The following GPC5 variants were observed in gnomAD, a reference collection of about 807,000 sequenced individuals.
The protein encoded by GPC5 is glypican 5.
Under a neutral mutation model 53.9 loss-of-function variants are expected in GPC5, and 47 were observed. The observed-to-expected ratio is 0.87, with a 90% CI of 0.69 to 1.11. GPC5 has a LOEUF of 1.11. GPC5 is among the 50% of genes most tolerant of loss of function. The pLI is 0.00. For missense variants in GPC5, 748 were observed against 713.1 expected (o/e 1.05, Z -0.56); for synonymous variants, 286 against 263.3 (o/e 1.09, Z -0.84).
chr13:92,481,107 T>A (rs1167781867), intron 7 of GPC5, among the ~76,000 whole-genome samples: 1 of 63,988 alleles, frequency 1.6e-5, no homozygotes, highest in Non-Finnish European at 3.9e-5. Flanking sequence ...TTTTTTTGCA[T>A]TTTTTTTTTT....
intron 7 of GPC5, among the ~76,000 whole-genome samples, chr13:92,593,834 A>G (rs970316063): frequency 5.3e-5 from 8 of 152,188 alleles, no homozygotes; most frequent in Admixed American, 6.5e-5. Flanking sequence ...TGACAAAGGT[A>G]TTTCAGTGGA....
At chr13:92,787,965 A>T (rs953385552) in intron 7 of GPC5, among the ~76,000 whole-genome samples, 2 of 151,944 alleles carry the variant, frequency 1.3e-5, no homozygotes, top group African/African-American at 4.8e-5. Context: ...GAATGGAAAG[A>T]ATAGTAGAAA....
intron 7 of GPC5, among the ~76,000 whole-genome samples, chr13:92,609,041 C>T (rs1289055397): frequency 6.6e-6 from 1 of 151,532 alleles, no homozygotes; most frequent in East Asian, 1.9e-4. Flanking sequence ...CAGTTTTCCC[C>T]AATTCTTCCC....
At chr13:92,524,320 T>C (rs561282573) in intron 7 of GPC5, among the ~76,000 whole-genome samples, 2 of 152,254 alleles carry the variant, frequency 1.3e-5, no homozygotes, top group East Asian at 1.9e-4. Context: ...CCACTTTCTT[T>C]GTTCATCTCT....
chr13:92,192,727 C>T (rs534568810), intron 7 of GPC5, among the ~76,000 whole-genome samples: 1 of 152,184 alleles, frequency 6.6e-6, no homozygotes, highest in Admixed American at 6.5e-5. Flanking sequence ...TATGTCTATG[C>T]CCACGTATGG....
At chr13:91,879,720 G>A (rs928382654) in intron 5 of GPC5, among the ~76,000 whole-genome samples, 5 of 152,110 alleles carry the variant, frequency 3.3e-5, no homozygotes, top group African/African-American at 1.2e-4. Flanking sequence ...ATTTGAGAGG[G>A]ATATAAACAC....
In GPC5 at chr13:92,758,761, G is replaced by A. The variant is rs147775748; in HGVS notation, c.1562-107521G>A. Among the ~76,000 whole-genome samples the A allele has an allele frequency of 7.4e-3, 1,122 of 152,148 alleles. 14 individuals carry two copies. Among genetic ancestry groups the A allele is most frequent in the African/African-American group, 0.026 (1,077 of 41,526 alleles). ...AATAATTCAGAAATTACATGGGAATGTGTTTCCTGAGTTTTTTGTGTGATA... is the reference window on the plus strand; with the variant it reads ...AATAATTCAGAAATTACATGGGAATATGTTTCCTGAGTTTTTTGTGTGATA... On this transcript the variant is annotated intron_variant, in intron 7 of 7. Coordinates refer to ENST00000377067, the MANE Select transcript of GPC5 (RefSeq NM_004466.6).
intron 7 of GPC5, among the ~76,000 whole-genome samples, chr13:92,711,829 A>T (rs1888148723): frequency 6.6e-6 from 1 of 152,092 alleles, no homozygotes; most frequent in African/African-American, 2.4e-5. Context: ...ATGAACCATG[A>T]GTTAAACAGC....
intron 6 of GPC5, chr13:91,995,931 G>C (rs1021207389): frequency 6.6e-6 from 1 of 152,176 alleles, no homozygotes; most frequent in African/African-American, 2.4e-5. Context: ...ATGTGAGACT[G>C]ATGGGCTCTA....
chr13:92,036,601 T>C (rs1351259989), intron 6 of GPC5, among the ~76,000 whole-genome samples: 1 of 152,196 alleles, frequency 6.6e-6, no homozygotes, highest in Non-Finnish European at 1.5e-5. Context: ...TTTATTTTGT[T>C]CTCCACACTT....
intron 7 of GPC5, among the ~76,000 whole-genome samples, chr13:92,275,349 G>A (rs1594058045): frequency 6.6e-6 from 1 of 152,048 alleles, no homozygotes; most frequent in Non-Finnish European, 1.5e-5. Context: ...TCCATTTAAA[G>A]GATTTCATCA....
chr13:91,933,976 T>C (rs557000258), intron 6 of GPC5, among the ~76,000 whole-genome samples: 6 of 152,072 alleles, frequency 3.9e-5, no homozygotes, highest in African/African-American at 1.4e-4. Flanking sequence ...CAAGACCATA[T>C]TGTGTCCCTT....
At chr13:91,656,407 T>A (rs2034846541) in intron 2 of GPC5, among the ~76,000 whole-genome samples, 1 of 152,188 alleles carries the variant, frequency 6.6e-6, no homozygotes, top group Non-Finnish European at 1.5e-5. Context: ...GGTATAGATC[T>A]GGGAGTAAGG....
At chr13:91,879,859 AG>A (rs2039245325) in intron 5 of GPC5, among the ~76,000 whole-genome samples, 1 of 152,186 alleles carries the variant, frequency 6.6e-6, no homozygotes, top group South Asian at 2.1e-4. Flanking sequence ...CTGATTTCTC[AG>A]GAAGTGTAGA....
At chr13:92,138,909 C>A (rs1360617503) in intron 6 of GPC5, among the ~76,000 whole-genome samples, 1 of 151,578 alleles carries the variant, frequency 6.6e-6, no homozygotes, top group African/African-American at 2.4e-5. Flanking sequence ...TCTGTCCCTG[C>A]TGCAGGGGAA....
chr13:91,976,549 TAGAG>T (rs1369878860), intron 6 of GPC5, among the ~76,000 whole-genome samples: 1 of 152,002 alleles, frequency 6.6e-6, no homozygotes, highest in East Asian at 1.9e-4. Flanking sequence ...AAACAGGAAT[TAGAG>T]AGGGATAAGG....
intron 2 of GPC5, among the ~76,000 whole-genome samples, chr13:91,690,819 C>T (rs1285470455): frequency 2.6e-5 from 4 of 152,122 alleles, no homozygotes; most frequent in African/African-American, 9.7e-5. Flanking sequence ...AATTGTCAGT[C>T]ACATGAACAC....
chr13:91,526,077 A>G (rs1244012672), intron 2 of GPC5, among the ~76,000 whole-genome samples: 1 of 152,166 alleles, frequency 6.6e-6, no homozygotes, highest in Non-Finnish European at 1.5e-5. Flanking sequence ...ATTTCTCCCC[A>G]GGTAACATCA....
intron 2 of GPC5, among the ~76,000 whole-genome samples, chr13:91,617,899 A>G (rs1028374551): frequency 1.3e-5 from 2 of 152,140 alleles, no homozygotes; most frequent in South Asian, 4.1e-4. Flanking sequence ...GACAATATAT[A>G]ACAAATGGGC....
Sources: allele counts gnomAD v4.1 joint callset (sites outside exome capture counted in the v4.1 genomes callset), GRCh38; gene constraint gnomAD v4.1.1; transcripts MANE v1.5; gene names NCBI Gene and HGNC (gene_info 2026-07-23, HGNC 2026-07-21).